Variants in PDE11A observed in about 807,000 individuals in gnomAD.
PDE11A encodes dual 3',5'-cyclic-AMP and -GMP phosphodiesterase 11A.
In PDE11A, 100 loss-of-function variants were observed where a neutral mutation model predicts 100.5. The ratio of observed to expected loss-of-function variants is 1.00; its 90% CI spans 0.85 to 1.18. PDE11A has a LOEUF of 1.18. Among genes scored for constraint, PDE11A ranks in the 50% most tolerant of loss-of-function variants. The pLI is 0.00. For synonymous variants in PDE11A, 381 were observed against 420.8 expected (o/e 0.91, Z 1.16); for missense variants, 1,141 against 1,152.6 (o/e 0.99, Z 0.15).
Position 177,792,515 on chromosome 2 carries a change from G to C in PDE11A, c.1738-23142C>G, listed in dbSNP as rs141238709. 1.4e-4 allele frequency among the ~76,000 whole-genome samples: 21 copies of C among 152,240 alleles called. No homozygotes were observed. The East Asian group carries it at 3.9e-3, about 28-fold the overall frequency. On this transcript the variant is annotated intron_variant, in intron 9 of 19. Coordinates refer to ENST00000286063, the MANE Select transcript of PDE11A (RefSeq NM_016953.4). ...TTATGCTTTGAGAGAGAGATACATT[G>C]CTTATTTGCACTGGTTATGCAGGAA...
intron 10 of PDE11A, among the ~76,000 whole-genome samples, chr2:177,752,735 C>T (rs758975135): frequency 1.8e-4 from 28 of 152,134 alleles, no homozygotes; most frequent in Non-Finnish European, 8.8e-5. Context: ...TGTTAGTCAC[C>T]GGAGATAATA....
intron 19 of PDE11A, among the ~76,000 whole-genome samples, chr2:177,647,121 G>T (rs112039848): frequency 5.9e-4 from 90 of 152,278 alleles, no homozygotes; most frequent in African/African-American, 2.1e-3. Flanking sequence ...CAGTCACGTG[G>T]TAATAATCCA....
At chr2:177,694,222 C>T (rs1054413911) in intron 15 of PDE11A, among the ~76,000 whole-genome samples, 4 of 152,180 alleles carry the variant, frequency 2.6e-5, no homozygotes, top group South Asian at 2.1e-4. Context: ...CTCAGTGATT[C>T]GTCAAATCCC....
chr2:178,018,377 A>ACG, intron 1 of PDE11A: 1 of 478,312 alleles, frequency 2.1e-6, no homozygotes, highest in South Asian at 1.6e-5. Flanking sequence ...CTTTTGGCAC[A>ACG]CTTGACTTTA....
chr2:177,986,600 G>A (rs2085942712), intron 2 of PDE11A, among the ~76,000 whole-genome samples: 1 of 152,054 alleles, frequency 6.6e-6, no homozygotes, highest in African/African-American at 2.4e-5. Context: ...GGGAGGCCGA[G>A]GTGGGAGGAT....
chr2:178,016,028 G>A (rs1852499), intron 1 of PDE11A, among the ~76,000 whole-genome samples: 91,760 of 151,680 alleles, frequency 0.6, 29,104 homozygotes, highest in Admixed American at 0.71. Context: ...GCAGTCATTT[G>A]ATCTCGGTTC....
At chr2:177,888,640 A>G in intron 4 of PDE11A, 2 of 910,806 alleles carry the variant, frequency 2.2e-6, no homozygotes, top group Non-Finnish European at 2.6e-6. Flanking sequence ...GGCAATCCAC[A>G]AAACCAAGCC....
At chr2:178,055,666 T>G (rs1021438201) in intron 1 of PDE11A, among the ~76,000 whole-genome samples, 2 of 152,068 alleles carry the variant, frequency 1.3e-5, no homozygotes, top group Non-Finnish European at 2.9e-5. Flanking sequence ...TAATAATTAT[T>G]ATTATCATGA....
chr2:177,752,833 C>T (rs2082042181), intron 10 of PDE11A, among the ~76,000 whole-genome samples: 1 of 152,192 alleles, frequency 6.6e-6, no homozygotes, highest in African/African-American at 2.4e-5. Flanking sequence ...GAATGATATT[C>T]ACTCACTAAT....
chr2:177,842,652 G>C (rs1484088446), intron 5 of PDE11A, among the ~76,000 whole-genome samples: 2 of 152,204 alleles, frequency 1.3e-5, no homozygotes, highest in East Asian at 3.9e-4. Context: ...ACTGAGGATG[G>C]GAAGAGGTCT....
intron 10 of PDE11A, among the ~76,000 whole-genome samples, chr2:177,757,672 C>T (rs1020413687): frequency 5.9e-5 from 9 of 152,120 alleles, no homozygotes; most frequent in Non-Finnish European, 2.9e-5. Context: ...TCTCACCTTT[C>T]GTGGGTGTGG....
chr2:178,104,520 T>A, intron 1 of PDE11A: 1 of 1,511,992 alleles, frequency 6.6e-7, no homozygotes, highest in Non-Finnish European at 9.1e-7. Flanking sequence ...AATATATATA[T>A]TAGATTTTCA....
chr2:178,020,924 GGTGT>G (rs532087273), intron 1 of PDE11A, among the ~76,000 whole-genome samples: 30,447 of 124,774 alleles, frequency 0.24, 3,549 homozygotes, highest in Admixed American at 0.32. Flanking sequence ...TTTTTGTCTT[GGTGT>G]GTGTGTGTGT....
intron 2 of PDE11A, among the ~76,000 whole-genome samples, chr2:177,930,962 G>C (rs2085197656): frequency 6.6e-6 from 1 of 152,118 alleles, no homozygotes; most frequent in Non-Finnish European, 1.5e-5. Context: ...TGGCTCCTTA[G>C]CCAGGATCAC....
At chr2:177,845,359 CG>C (rs1418468119) in intron 5 of PDE11A, among the ~76,000 whole-genome samples, 2 of 146,694 alleles carry the variant, frequency 1.4e-5, no homozygotes, top group Non-Finnish European at 3.0e-5. Flanking sequence ...GATGGGGTCT[CG>C]GCCGGGCAGA....
chr2:177,647,687 C>T (rs926411587), intron 19 of PDE11A, among the ~76,000 whole-genome samples: 2 of 152,196 alleles, frequency 1.3e-5, no homozygotes, highest in African/African-American at 4.8e-5. Context: ...CCCGGATCTA[C>T]AGAGGACCAG....
chr2:178,008,973 C>T (rs908179937), intron 2 of PDE11A, among the ~76,000 whole-genome samples: 2 of 152,210 alleles, frequency 1.3e-5, no homozygotes, highest in African/African-American at 4.8e-5. Context: ...GCTGCTAATA[C>T]ATTGGCTGTT....
In PDE11A at chr2:177,728,165, T is replaced by C; in HGVS notation, c.1796A>G (p.Asn599Ser). The C allele has an allele frequency of 8.7e-6, 14 of 1,613,282 alleles. No individual in the cohort carries two copies. Among genetic ancestry groups the C allele is most frequent in the Non-Finnish European group, 1.2e-5 (14 of 1,179,494 alleles). ...KAEVDKFKAA[N>S]IPLVSELAID... is the part of the protein sequence containing the mutation. The stretch of plus-strand genomic sequence containing the variant: ...GGCAAGTTCTGACACCAGAGGGATG[T>C]TGGCTGCCTAGAAAAGCAAAAGACA... The change falls in exon 11 of 20, where the codon AAC becomes AGC. Residue 599 changes from asparagine (N) to serine (S), a missense_variant. Physicochemically the swap from Asn to Ser is conservative, Grantham distance 46 (BLOSUM62 1). Transcript: ENST00000286063.
chr2:177,916,560 G>C (rs1245474386), intron 2 of PDE11A, among the ~76,000 whole-genome samples: 1 of 152,050 alleles, frequency 6.6e-6, no homozygotes, highest in East Asian at 1.9e-4. Context: ...ACTGAACTCT[G>C]AATTCAACCA....
Sources: allele counts gnomAD v4.1 joint callset (sites outside exome capture counted in the v4.1 genomes callset), GRCh38; gene constraint gnomAD v4.1.1; transcripts MANE v1.5; gene names NCBI Gene and HGNC (gene_info 2026-07-23, HGNC 2026-07-21).